The following DGKA variants were observed in gnomAD, a reference collection of about 807,000 sequenced individuals.
The protein encoded by DGKA is 80 kDa diacylglycerol kinase.
DGKA carries 35 observed loss-of-function variants against 105.0 expected under a neutral mutation model. The ratio of observed to expected loss-of-function variants is 0.33; its 90% CI spans 0.25 to 0.44. The LOEUF (loss-of-function observed/expected upper bound fraction) is 0.44. DGKA is among the 20% of genes least tolerant of loss of function. DGKA has a pLI of 1.00. For missense variants in DGKA, 665 were observed against 915.0 expected, an observed-to-expected ratio of 0.73 and a Z score of 3.53; for synonymous variants, 296 against 332.0, an observed-to-expected ratio of 0.89 and a Z score of 1.18.
rs753139930 is a variant in DGKA at position 55,939,519 on chromosome 12, G to C, written c.699G>C (p.Leu233=). Residue 233 remains leucine (L), a synonymous_variant, in exon 9 of 24, where the codon CTG becomes CTC. Transcript: ENST00000331886. The part of the protein sequence containing the change: ...ESSIGLGKQG[L]SCNLCKYTVH... ...GCATTGGTCTTGGCAAACAGGGACT[G>C]AGCTGTAACCGTGAGTAATGGGAGC... The C allele has an allele frequency of 6.2e-7, 1 of 1,614,028 alleles. No individual in the cohort carries two copies. The highest frequency in any genetic ancestry group is 1.3e-5 in the African/African-American group (1 of 74,914).
At chr12:55,947,917 G>C (rs1887369873) in intron 17 of DGKA, among the ~76,000 whole-genome samples, 1 of 151,896 alleles carries the variant, frequency 6.6e-6, no homozygotes. Context: ...AGCCTCCCAA[G>C]TAGCTGGGAC....
chr12:55,936,193 T>C, intron 1 of DGKA: 1 of 542,244 alleles, frequency 1.8e-6, no homozygotes, highest in Non-Finnish European at 2.7e-6. Context: ...GATCCAGAAA[T>C]GGAGAGACAG....
intron 17 of DGKA, chr12:55,943,181 A>G (rs1886356632): frequency 6.6e-6 from 1 of 151,688 alleles, no homozygotes; most frequent in African/African-American, 2.4e-5. Context: ...AGTGTTTTCA[A>G]TTTCTTTGTA....
At position 55,940,093 on chromosome 12, in the gene DGKA, A is replaced by G. The variant is rs1158093298; in HGVS notation, c.721A>G (p.Thr241Ala). 3.7e-6 allele frequency: 6 copies of G among 1,614,048 alleles called. No homozygotes were observed. The highest frequency in any genetic ancestry group is 4.2e-6 in the Non-Finnish European group (5 of 1,180,012). ...TCCTTCTCCCTCAGTCTGTAAGTACACTGTTCACGACCAGTGTGCCATGAA... is the reference window on the plus strand; with the variant it reads ...TCCTTCTCCCTCAGTCTGTAAGTACGCTGTTCACGACCAGTGTGCCATGAA... ...QGLSCNLCKY[T>A]VHDQCAMKAL... is the part of the protein sequence containing the mutation. The change falls in exon 10 of 24, where the codon ACT becomes GCT. Residue 241 changes from threonine to alanine, a missense_variant. By Grantham distance (58) the Thr-to-Ala change is moderately conservative. This residue lies in a region of DGKA where 504 missense variants were observed against 681.2 expected (regional missense o/e 0.74). Transcript: ENST00000331886. The surrounding 1 kb of genome is among the most constrained non-coding windows in gnomAD (Gnocchi z 4.3).
At chr12:55,944,265 A>G (rs1886574520) in intron 17 of DGKA, among the ~76,000 whole-genome samples, 1 of 152,192 alleles carries the variant, frequency 6.6e-6, no homozygotes, top group Non-Finnish European at 1.5e-5. Flanking sequence ...GGGCCACTGC[A>G]CTCAATCCTG....
At chr12:55,937,728 T>C (rs1254679365) in intron 4 of DGKA, among the ~76,000 whole-genome samples, 185 bp downstream of exon 4, 2 of 152,146 alleles carry the variant, frequency 1.3e-5, no homozygotes, top group African/African-American at 4.8e-5. Context: ...TCGAGGGCAG[T>C]GGCTCACACC....
chr12:55,941,885 A>G, intron 15 of DGKA, 113 bp from the exon 16 acceptor site: 2 of 1,156,384 alleles, frequency 1.7e-6, no homozygotes, highest in Non-Finnish European at 2.6e-6. Context: ...GTCTTTTGAC[A>G]AAAAGGAGGA....
Position 55,932,709 on chromosome 12 carries a change from GCACACA to G in DGKA, c.-82+1392_-82+1397del, listed in dbSNP as rs57799285. Reference sequence around the variant, plus strand: ...ACACCCTCTACACACACACACACACGCACACACACACACACACACACACACACACAC... The same window carrying G: ...ACACCCTCTACACACACACACACACGCACACACACACACACACACACACAC... On this transcript the variant is annotated intron_variant, in intron 1 of 23. Coordinates refer to ENST00000331886, the MANE Select transcript of DGKA (RefSeq NM_001345.5). This position sits in a 1 kb window ranked among gnomAD's most constrained non-coding sequence, Gnocchi z 4.3. The G allele has an allele frequency of 0.04, 19,715 of 489,298 alleles. 624 individuals are homozygous for G. The highest frequency in any genetic ancestry group is 0.15 in the African/African-American group (7,469 of 49,118). 30.3% of individuals were successfully genotyped at this position (489,298 alleles called of 1,614,324 possible).
upstream of DGKA, chr12:55,929,048 T>G (rs1325714458): frequency 2.0e-5 from 3 of 151,864 alleles, no homozygotes; most frequent in Non-Finnish European, 2.9e-5. Flanking sequence ...TCCCAGCTAC[T>G]CGGGAGGCTG....
chr12:55,936,980 C>T (rs377027233), intron 2 of DGKA, 37 bp from the exon 3 acceptor site: 5 of 1,564,508 alleles, frequency 3.2e-6, no homozygotes, highest in Non-Finnish European at 4.4e-6. Context: ...CTCAGCTGGA[C>T]TAATAATGCT....
chr12:55,940,383 C>G lies in DGKA; in HGVS notation c.868C>G (p.Arg290Gly), dbSNP rs775840854. ...CTGCGACCGCTGTCAGAAAAAGATC[C>G]GGATCTACCACAGTCTGACCGGGCT... ...GRCDRCQKKI[R>G]IYHSLTGLHC... The change falls in exon 11 of 24, where the codon CGG (arginine) becomes GGG (glycine). Residue 290 changes from arginine (R) to glycine (G), a missense_variant. Around this residue, in one of 3 missense-constraint regions of DGKA, gnomAD observed 504 missense variants for 681.2 expected, o/e 0.74. Coordinates refer to ENST00000331886, the MANE Select transcript of DGKA (RefSeq NM_001345.5). This position sits in a 1 kb window ranked among gnomAD's most constrained non-coding sequence, Gnocchi z 4.3. The G allele has an allele frequency of 1.8e-5, 29 of 1,614,128 alleles. No individual in the cohort carries two copies. Among genetic ancestry groups the G allele is most frequent in the African/African-American group, 4.0e-5 (3 of 74,948 alleles).
At position 55,932,853 on chromosome 12, in the gene DGKA, G is replaced by A. The variant is rs566067546; in HGVS notation, c.-82+1509G>A. On this transcript the variant is annotated intron_variant, in intron 1 of 23. Transcript: ENST00000331886. The surrounding 1 kb of genome is among the most constrained non-coding windows in gnomAD (Gnocchi z 4.3). ...TGAGGGCTACCTACTAGCAGCAACG[G>A]TCAGGGAGAGGAGGAGGATACAGTC... 6.2e-6 allele frequency: 3 copies of A among 481,028 alleles called. No homozygotes were observed. The highest frequency in any genetic ancestry group is 3.9e-5 in the African/African-American group (2 of 51,648). 29.8% of individuals were successfully genotyped at this position (481,028 alleles called of 1,614,324 possible).
At chr12:55,930,185 T>C (rs1421781473), upstream of DGKA, among the ~76,000 whole-genome samples, 1 of 152,094 alleles carries the variant, frequency 6.6e-6, no homozygotes, top group Non-Finnish European at 1.5e-5. Context: ...GTCCCTAAAC[T>C]GGACTATGTT....
At chr12:55,927,405 C>G (rs746210988), upstream of DGKA, 1 of 713,212 alleles carries the variant, frequency 1.4e-6, no homozygotes, top group South Asian at 1.5e-5. Flanking sequence ...CCAGGAACTC[C>G]TCGTACGTCC....
intron 17 of DGKA, among the ~76,000 whole-genome samples, chr12:55,947,073 C>T (rs1466253060): frequency 6.6e-6 from 1 of 150,858 alleles, no homozygotes; most frequent in East Asian, 2.0e-4. Flanking sequence ...GCAACCTCCA[C>T]CTCCCGGGTT....
intron 17 of DGKA, among the ~76,000 whole-genome samples, chr12:55,945,282 T>C (rs1405749279): frequency 1.3e-5 from 2 of 152,130 alleles, no homozygotes; most frequent in African/African-American, 2.4e-5. Context: ...TAGGTGGTAA[T>C]TGACATTCTG....
chr12:55,927,859 C>T, upstream of DGKA: 1 of 1,454,048 alleles, frequency 6.9e-7, no homozygotes, highest in Non-Finnish European at 9.2e-7. Flanking sequence ...GATGAGGGCC[C>T]TAGTTGCTTC....
In DGKA at chr12:55,952,611, C is replaced by G; in HGVS notation, c.1744-123C>G. On this transcript the variant is annotated intron_variant, in intron 20 of 23. Coordinates refer to ENST00000331886, the MANE Select transcript of DGKA (RefSeq NM_001345.5). This position sits in a 1 kb window ranked among gnomAD's most constrained non-coding sequence, Gnocchi z 5.1. The stretch of plus-strand genomic sequence containing the variant: ...CACTAGTCCCTATTTCCATTCCTTG[C>G]ACACCTCCAAATCCTGCCTTCTCCA... 1.5e-6 allele frequency: 2 copies of G among 1,293,216 alleles called. No homozygotes were observed. Among genetic ancestry groups the G allele is most frequent in the Non-Finnish European group, 2.2e-6 (2 of 904,812 alleles). The allele number at this position is 1,293,216 out of a possible 1,614,324, so 80.1% of individuals were successfully genotyped here.
At chr12:55,945,925 G>C (rs949054847) in intron 17 of DGKA, among the ~76,000 whole-genome samples, 7 of 151,776 alleles carry the variant, frequency 4.6e-5, no homozygotes, top group Non-Finnish European at 1.0e-4. Flanking sequence ...AGGTAGCTGG[G>C]CTTACAAGCC....
Sources: gnomAD v4.1 joint callset for allele counts (sites outside exome capture counted in the v4.1 genomes callset) on GRCh38, gnomAD v4.1.1 for gene constraint, gnomAD v4.1.1 regional missense constraint, Gnocchi (gnomAD v3.1) non-coding constraint, MANE v1.5 for transcripts, NCBI Gene and HGNC (gene_info 2026-07-23, HGNC 2026-07-21) for gene names.